Variants in ADGRL3 observed in about 807,000 individuals in gnomAD.
ADGRL3 encodes adhesion G protein-coupled receptor L3.
In ADGRL3, 62 loss-of-function variants were observed where a neutral mutation model predicts 153.5. The observed-to-expected ratio is 0.40, with a 90% CI of 0.33 to 0.50. The LOEUF (loss-of-function observed/expected upper bound fraction) is 0.50, where lower values mean the gene tolerates loss of function less well. Ranked by LOEUF, ADGRL3 falls within the 20% of genes least tolerant of loss-of-function variation. The pLI is 0.47. For missense variants in ADGRL3, 1,641 were observed against 1,859.4 expected (o/e 0.88, Z 2.16); for synonymous variants, 710 against 672.5 (o/e 1.06, Z -0.86).
intron 9 of ADGRL3, among the ~76,000 whole-genome samples, chr4:61,816,638 T>C (rs528251071): frequency 1.3e-5 from 2 of 152,242 alleles, no homozygotes; most frequent in East Asian, 3.9e-4. Context: ...AAAAACTGAC[T>C]GATAAAGGGA....
chr4:61,255,587 A>G (rs1309700810), intron 1 of ADGRL3, among the ~76,000 whole-genome samples: 2 of 152,216 alleles, frequency 1.3e-5, no homozygotes, highest in Admixed American at 6.5e-5. Flanking sequence ...TGTTGTCATG[A>G]AAATCTATTA....
Position 61,497,113 on chromosome 4 carries a change from T to C in ADGRL3, c.-173-8T>C, listed in dbSNP as rs978802106. ...ATACAATAACCCTTTTTTTTTTCTT[T>C]TTTGCAGGTTTCAGATTTGGGATAT... is the stretch of plus-strand genomic sequence containing the variant. On this transcript the variant is annotated splice_polypyrimidine_tract_variant and splice_region_variant and intron_variant, in intron 2 of 26. Coordinates refer to ENST00000683033, the MANE Select transcript of ADGRL3 (RefSeq NM_001387552.1). 2 of 555,718 alleles carry C rather than the reference T, an allele frequency of 3.6e-6. No homozygotes were observed. The highest frequency in any genetic ancestry group is 3.8e-5 in the Admixed American group (1 of 26,086). 34.4% of individuals were successfully genotyped at this position (555,718 alleles called of 1,614,324 possible). A position where few individuals can be genotyped will look rare whatever the true frequency, so the allele number is the denominator to read the frequency against.
At chr4:61,711,495 C>T (rs7679977) in intron 6 of ADGRL3, among the ~76,000 whole-genome samples, 34,706 of 83,226 alleles carry the variant, frequency 0.42, 7,136 homozygotes, top group East Asian at 0.55. Context: ...TATATATACA[C>T]ACACACACAC....
intron 1 of ADGRL3, among the ~76,000 whole-genome samples, chr4:61,230,959 A>C (rs1005079966): frequency 6.6e-6 from 1 of 152,210 alleles, no homozygotes; most frequent in African/African-American, 2.4e-5. Context: ...TGTCCCGTGC[A>C]AGCATCTAGT....
At chr4:61,917,786 G>A (rs970149613) in intron 13 of ADGRL3, among the ~76,000 whole-genome samples, 56 of 152,178 alleles carry the variant, frequency 3.7e-4, no homozygotes, top group Admixed American at 2.4e-3. Flanking sequence ...GCAGGAGCGA[G>A]CATTTTAGCA....
chr4:61,765,643 A>G, intron 8 of ADGRL3, among the ~76,000 whole-genome samples: 1 of 152,090 alleles, frequency 6.6e-6, no homozygotes, highest in Non-Finnish European at 1.5e-5. Context: ...TGTCTGACAG[A>G]AGGGAATAAA....
At chr4:61,704,093 A>G (rs113971334) in intron 6 of ADGRL3, among the ~76,000 whole-genome samples, 1 of 152,210 alleles carries the variant, frequency 6.6e-6, no homozygotes. Context: ...TACTTGCTGA[A>G]AGATTTTAAT....
rs933141485 is a variant in ADGRL3, at chr4:62,072,113, G to A, written c.*1205G>A. On this transcript the variant is annotated 3_prime_UTR_variant, in exon 27 of 27. Coordinates refer to ENST00000683033, the MANE Select transcript of ADGRL3 (RefSeq NM_001387552.1). ...AAAACGGTTTTCCATAGGCATTAAA[G>A]TGCTGAATGCTCAGTCTGATCAACA... is the stretch of plus-strand genomic sequence containing the variant. 20 of 154,090 alleles carry A rather than the reference G, an allele frequency of 1.3e-4. No individual in the cohort carries two copies. Among genetic ancestry groups the A allele is most frequent in the Non-Finnish European group, 2.0e-4 (14 of 69,196 alleles). The allele number at this position is 154,090 out of a possible 1,614,324, so 9.5% of individuals were successfully genotyped here.
At chr4:61,384,772 A>G (rs985828811) in intron 2 of ADGRL3, among the ~76,000 whole-genome samples, 1 of 152,092 alleles carries the variant, frequency 6.6e-6, no homozygotes, top group Non-Finnish European at 1.5e-5. Flanking sequence ...GTAACGATTC[A>G]TGTTACAACA....
chr4:61,936,781 T>TAC (rs71666904), intron 15 of ADGRL3, among the ~76,000 whole-genome samples: 3,539 of 138,790 alleles, frequency 0.025, 161 homozygotes, highest in Admixed American at 0.12. Flanking sequence ...TACATATGCA[T>TAC]ACACACACAC....
At chr4:61,587,170 A>T in intron 4 of ADGRL3, 57 bp from the exon 5 acceptor site, 1 of 1,181,546 alleles carries the variant, frequency 8.5e-7, no homozygotes, top group Non-Finnish European at 1.2e-6. Context: ...AACACATGTA[A>T]TTTTCCTTTG....
At chr4:61,662,977 C>T (rs954129385) in intron 5 of ADGRL3, among the ~76,000 whole-genome samples, 3 of 152,094 alleles carry the variant, frequency 2.0e-5, no homozygotes, top group Admixed American at 6.5e-5. Context: ...ATCAGGACAC[C>T]GTGCCTGTGG....
intron 21 of ADGRL3, among the ~76,000 whole-genome samples, chr4:62,017,072 T>C (rs1307777755): frequency 6.6e-6 from 1 of 152,064 alleles, no homozygotes; most frequent in African/African-American, 2.4e-5. Context: ...ATTAAATAGA[T>C]AGAACAACTT....
At chr4:61,412,113 G>A (rs990047805) in intron 2 of ADGRL3, among the ~76,000 whole-genome samples, 8 of 126,324 alleles carry the variant, frequency 6.3e-5, no homozygotes, top group Non-Finnish European at 1.4e-4. Context: ...TTTGTTTTTT[G>A]GAGACTCTGT....
chr4:61,924,628 C>G (rs897174752), intron 13 of ADGRL3, among the ~76,000 whole-genome samples: 1 of 152,180 alleles, frequency 6.6e-6, no homozygotes, highest in African/African-American at 2.4e-5. Context: ...TTTCCTTTCA[C>G]TTTACTCCAA....
intron 24 of ADGRL3, among the ~76,000 whole-genome samples, chr4:62,039,982 A>G (rs1185165734): frequency 6.6e-6 from 1 of 152,124 alleles, no homozygotes; most frequent in Non-Finnish European, 1.5e-5. Flanking sequence ...ATACTTCTAA[A>G]CTACAAGTTA....
At chr4:61,777,217 C>T (rs911685703) in intron 8 of ADGRL3, among the ~76,000 whole-genome samples, 2 of 151,956 alleles carry the variant, frequency 1.3e-5, no homozygotes, top group Non-Finnish European at 2.9e-5. Context: ...CCTGTAGAAC[C>T]AGCTACTCGG....
intron 11 of ADGRL3, among the ~76,000 whole-genome samples, chr4:61,903,712 T>C (rs1581389349): frequency 6.8e-6 from 1 of 145,996 alleles, no homozygotes; most frequent in African/African-American, 2.6e-5. Flanking sequence ...TAATTTGTTA[T>C]AGCAGTTTTT....
intron 1 of ADGRL3, among the ~76,000 whole-genome samples, chr4:61,322,133 A>G (rs1433887063): frequency 6.6e-6 from 1 of 150,802 alleles, no homozygotes; most frequent in East Asian, 1.9e-4. Context: ...AACAGCAGGC[A>G]AAGAGAGAGC....
Sources: gnomAD v4.1 joint callset for allele counts (sites outside exome capture counted in the v4.1 genomes callset) on GRCh38, gnomAD v4.1.1 for gene constraint, MANE v1.5 for transcripts, NCBI Gene and HGNC (gene_info 2026-07-23, HGNC 2026-07-21) for gene names.